PCSK5: variants seen among roughly 807,000 people sequenced by gnomAD.
PCSK5 encodes the protein prohormone convertase 5.
Under a neutral mutation model 233.2 loss-of-function variants are expected in PCSK5, and 129 were observed. The observed-to-expected ratio is 0.55, with a 90% CI of 0.48 to 0.64. The LOEUF is 0.64. Ranked by LOEUF, PCSK5 falls within the 30% of genes least tolerant of loss-of-function variation. The pLI, the probability that PCSK5 is intolerant of heterozygous loss-of-function variation, is 0.00. For synonymous variants in PCSK5, 825 were observed against 879.2 expected (o/e 0.94, Z 1.09); for missense variants, 2,076 against 2,430.1 (o/e 0.85, Z 3.06).
At chr9:76,340,639 C>CAAAAAAAAAAAAAAAAAAAAAAAAA (rs57319222) in intron 35 of PCSK5, among the ~76,000 whole-genome samples, 1 of 95,388 alleles carries the variant, frequency 1.0e-5, no homozygotes, top group Admixed American at 1.3e-4. Context: ...ACGAGACTGT[C>CAAAAAAAAAAAAAAAAAAAAAAAAA]AAAAAAAAAA....
chr9:76,075,925 G>GTT (rs1462597174), intron 7 of PCSK5, among the ~76,000 whole-genome samples: 2 of 152,178 alleles, frequency 1.3e-5, no homozygotes, highest in Non-Finnish European at 2.9e-5. Flanking sequence ...ATACATAAAA[G>GTT]TTCCTACATT....
At chr9:76,277,596 T>C (rs750946782) in intron 24 of PCSK5, among the ~76,000 whole-genome samples, 1 of 152,206 alleles carries the variant, frequency 6.6e-6, no homozygotes, top group Admixed American at 6.5e-5. Context: ...AGTTGCACCA[T>C]TTGCATTACT....
chr9:75,992,572 TACACACACAC>T (rs34250537), intron 3 of PCSK5, among the ~76,000 whole-genome samples: 1 of 150,624 alleles, frequency 6.6e-6, no homozygotes, highest in African/African-American at 2.4e-5. Flanking sequence ...TAACTTTAAA[TACACACACAC>T]ACACACATAC....
chr9:76,153,392 A>C (rs1056830776), intron 10 of PCSK5, among the ~76,000 whole-genome samples: 5 of 152,220 alleles, frequency 3.3e-5, no homozygotes, highest in Middle Eastern at 3.2e-3. Flanking sequence ...GGAATGAAAA[A>C]TTCTATTTGA....
intron 14 of PCSK5, among the ~76,000 whole-genome samples, chr9:76,176,879 CCTT>C (rs1024391788): frequency 2.6e-5 from 4 of 152,094 alleles, no homozygotes; most frequent in African/African-American, 9.7e-5. Context: ...GTTTTGTTGT[CCTT>C]CTTGTCATTA....
chr9:76,324,437 G>T (rs1192825166), intron 32 of PCSK5, among the ~76,000 whole-genome samples: 1 of 151,692 alleles, frequency 6.6e-6, no homozygotes, highest in Non-Finnish European at 1.5e-5. Context: ...CACCATGTTG[G>T]CCAGGCTGGT....
At chr9:76,046,152 TTTC>T (rs1829362478) in intron 5 of PCSK5, among the ~76,000 whole-genome samples, 1 of 135,630 alleles carries the variant, frequency 7.4e-6, no homozygotes, top group African/African-American at 3.1e-5. Context: ...CACATAATTT[TTTC>T]TTTTGTTTTT....
At chr9:76,278,417 A>T (rs952691974) in intron 24 of PCSK5, among the ~76,000 whole-genome samples, 1 of 152,194 alleles carries the variant, frequency 6.6e-6, no homozygotes, top group Non-Finnish European at 1.5e-5. Flanking sequence ...AGAAAGGAAC[A>T]AAAAAGTAAA....
chr9:76,212,557 C>T (rs920676965), intron 20 of PCSK5, among the ~76,000 whole-genome samples: 6 of 152,218 alleles, frequency 3.9e-5, no homozygotes, highest in African/African-American at 1.4e-4. Context: ...AATACATCTG[C>T]TAGATCATTC....
At chr9:76,113,725 A>G (rs1832316430) in intron 9 of PCSK5, among the ~76,000 whole-genome samples, 1 of 152,192 alleles carries the variant, frequency 6.6e-6, no homozygotes, top group Non-Finnish European at 1.5e-5. Flanking sequence ...TATTGGGGTT[A>G]GCATCTTAGT....
intron 3 of PCSK5, among the ~76,000 whole-genome samples, chr9:75,988,216 T>C (rs942269103): frequency 2.6e-5 from 4 of 152,328 alleles, no homozygotes; most frequent in African/African-American, 9.6e-5. Flanking sequence ...TACAAATACA[T>C]AACATTTATT....
chr9:76,103,590 A>G lies in PCSK5; in HGVS notation c.1108-3661A>G, dbSNP rs139489893. 1.9e-3 allele frequency among the ~76,000 whole-genome samples: 286 copies of G among 152,322 alleles called. 1 individual carries two copies. Among genetic ancestry groups the G allele is most frequent in the African/African-American group, 6.5e-3 (269 of 41,580 alleles). The stretch of plus-strand genomic sequence containing the variant: ...TTAGGGTGAGAAAAAGTGATGGTTC[A>G]TCTTAGTGGAGGCTGTCTAAACCTG... On this transcript the variant is annotated intron_variant, in intron 8 of 37. Coordinates refer to ENST00000674117, the MANE Select transcript of PCSK5 (RefSeq NM_001372043.1).
chr9:76,157,386 TG>T (rs1455002309), intron 11 of PCSK5, among the ~76,000 whole-genome samples: 3 of 152,178 alleles, frequency 2.0e-5, no homozygotes, highest in Non-Finnish European at 4.4e-5. Flanking sequence ...AAAAAGGGAT[TG>T]GGGGATATGC....
intron 10 of PCSK5, among the ~76,000 whole-genome samples, chr9:76,148,498 C>A (rs958691680): frequency 3.3e-5 from 5 of 152,076 alleles, no homozygotes; most frequent in African/African-American, 1.2e-4. Context: ...ACATTGACTT[C>A]ATCCACTACC....
At chr9:75,896,205 A>G (rs1344513962) in intron 1 of PCSK5, among the ~76,000 whole-genome samples, 1 of 152,192 alleles carries the variant, frequency 6.6e-6, no homozygotes, top group East Asian at 1.9e-4. Context: ...GCTGGAAAAA[A>G]CAATTCAGAG....
intron 27 of PCSK5, among the ~76,000 whole-genome samples, chr9:76,298,052 T>C (rs1238589908): frequency 6.6e-6 from 1 of 152,154 alleles, no homozygotes; most frequent in Non-Finnish European, 1.5e-5. Context: ...ATGAGTTTGT[T>C]TGGCATTCAG....
intron 10 of PCSK5, among the ~76,000 whole-genome samples, chr9:76,149,727 G>A (rs1823585372): frequency 6.6e-6 from 1 of 152,122 alleles, no homozygotes; most frequent in African/African-American, 2.4e-5. Context: ...ATGGGATCTG[G>A]ATATGATGTG....
intron 5 of PCSK5, among the ~76,000 whole-genome samples, chr9:76,046,155 C>CTTTTTTTTTTTTTTT (rs1829362984): frequency 1.8e-5 from 1 of 55,702 alleles, no homozygotes; most frequent in African/African-American, 5.2e-5. Flanking sequence ...ATAATTTTTT[C>CTTTTTTTTTTTTTTT]TTTTGTTTTT....
chr9:76,225,908 C>T (rs1452888994), intron 20 of PCSK5, among the ~76,000 whole-genome samples: 2 of 152,186 alleles, frequency 1.3e-5, no homozygotes, highest in African/African-American at 4.8e-5. Flanking sequence ...TCCACTGGAC[C>T]ATTCGGGTGG....
Sources: gnomAD v4.1 joint callset for allele counts (sites outside exome capture counted in the v4.1 genomes callset) on GRCh38, gnomAD v4.1.1 for gene constraint, MANE v1.5 for transcripts, NCBI Gene and HGNC (gene_info 2026-07-23, HGNC 2026-07-21) for gene names.